Variants in DPP10 observed in about 807,000 individuals in gnomAD.
DPP10 encodes inactive dipeptidyl peptidase 10.
DPP10 carries 33 observed loss-of-function variants against 120.9 expected under a neutral mutation model. The observed-to-expected ratio is 0.27, with a 90% CI of 0.21 to 0.37. The LOEUF (loss-of-function observed/expected upper bound fraction) is 0.37, where lower values mean the gene tolerates loss of function less well. Ranked by LOEUF, DPP10 falls within the 10% of genes least tolerant of loss-of-function variation. The pLI is 1.00. For synonymous variants in DPP10, 337 were observed against 326.1 expected (o/e 1.03, Z -0.36); for missense variants, 816 against 942.8 (o/e 0.87, Z 1.76).
At chr2:115,095,574 GT>G (rs924847937) in intron 1 of DPP10, among the ~76,000 whole-genome samples, 40 of 137,792 alleles carry the variant, frequency 2.9e-4, no homozygotes, top group African/African-American at 8.4e-4. Context: ...ATTCTGTTTG[GT>G]TTTTTTTTTG....
intron 1 of DPP10, among the ~76,000 whole-genome samples, chr2:115,271,157 T>C (rs2059684417): frequency 6.6e-6 from 1 of 152,242 alleles, no homozygotes; most frequent in Non-Finnish European, 1.5e-5. Context: ...TACAGGCACA[T>C]TCAATGTTCT....
intron 19 of DPP10, among the ~76,000 whole-genome samples, chr2:115,810,722 T>G (rs1686544846): frequency 6.6e-6 from 1 of 152,174 alleles, no homozygotes; most frequent in African/African-American, 2.4e-5. Flanking sequence ...GAATTGTTCT[T>G]TTCACCGCAA....
chr2:114,553,651 T>G (rs1349179035), intron 1 of DPP10, among the ~76,000 whole-genome samples: 1 of 152,178 alleles, frequency 6.6e-6, no homozygotes, highest in African/African-American at 2.4e-5. Flanking sequence ...TGACCAGCCT[T>G]TTAGGCTGTC....
chr2:115,815,398 T>C (rs975439056), intron 20 of DPP10, among the ~76,000 whole-genome samples: 1 of 152,168 alleles, frequency 6.6e-6, no homozygotes, highest in Non-Finnish European at 1.5e-5. Context: ...AGAAACCAGA[T>C]ATGATATTGT....
intron 1 of DPP10, among the ~76,000 whole-genome samples, chr2:114,983,835 T>C (rs1700236616): frequency 6.6e-6 from 1 of 152,204 alleles, no homozygotes; most frequent in African/African-American, 2.4e-5. Flanking sequence ...CATCCCCACA[T>C]TGCAGAAACT....
At chr2:115,468,473 C>T (rs564094677) in intron 3 of DPP10, 10 of 435,124 alleles carry the variant, frequency 2.3e-5, no homozygotes, top group South Asian at 8.5e-5. Flanking sequence ...CTTTTATTAA[C>T]CTGCTTACTA....
At chr2:114,621,587 A>G (rs1017783267) in intron 1 of DPP10, among the ~76,000 whole-genome samples, 5 of 151,990 alleles carry the variant, frequency 3.3e-5, no homozygotes, top group African/African-American at 1.2e-4. Flanking sequence ...CTTCATTGCA[A>G]GTAGGTTTTT....
chr2:114,474,202 C>G (rs991410707), intron 1 of DPP10, among the ~76,000 whole-genome samples: 4 of 152,216 alleles, frequency 2.6e-5, no homozygotes, highest in African/African-American at 9.6e-5. Flanking sequence ...GTGATCCACC[C>G]GCCTTGGCCT....
intron 9 of DPP10, among the ~76,000 whole-genome samples, chr2:115,741,064 G>T (rs1225385510): frequency 6.6e-6 from 1 of 152,090 alleles, no homozygotes; most frequent in Non-Finnish European, 1.5e-5. Flanking sequence ...CTGTCAGGGT[G>T]GGGGTGAGGT....
chr2:114,679,484 G>C (rs1698883122), intron 1 of DPP10, among the ~76,000 whole-genome samples: 2 of 151,880 alleles, frequency 1.3e-5, no homozygotes, highest in Admixed American at 6.6e-5. Flanking sequence ...TGCAATCCAG[G>C]AGGTGAGTTG....
intron 1 of DPP10, among the ~76,000 whole-genome samples, chr2:114,736,365 T>C (rs1677437278): frequency 6.6e-6 from 1 of 152,144 alleles, no homozygotes; most frequent in South Asian, 2.1e-4. Context: ...CTGCCTAGCA[T>C]GATTCCTCGC....
intron 2 of DPP10, among the ~76,000 whole-genome samples, chr2:115,332,091 T>A (rs1384334291): frequency 6.6e-6 from 1 of 152,250 alleles, no homozygotes; most frequent in African/African-American, 2.4e-5. Flanking sequence ...GATTATTGCC[T>A]CAATTTCAGA....
At chr2:114,789,360 C>T (rs991481925) in intron 1 of DPP10, among the ~76,000 whole-genome samples, 26 of 152,096 alleles carry the variant, frequency 1.7e-4, no homozygotes, top group African/African-American at 5.1e-4. Context: ...TATGAGAAAA[C>T]GCTGGCATGT....
intron 1 of DPP10, among the ~76,000 whole-genome samples, chr2:115,209,608 C>T (rs1401915116): frequency 6.6e-6 from 1 of 151,996 alleles, no homozygotes; most frequent in East Asian, 1.9e-4. Context: ...TGTTGTCTGC[C>T]TTGCTTTAAT....
intron 2 of DPP10, among the ~76,000 whole-genome samples, chr2:115,329,893 A>C (rs983253707): frequency 6.6e-6 from 1 of 152,128 alleles, no homozygotes; most frequent in African/African-American, 2.4e-5. Context: ...GCTGCAGTAA[A>C]CATATGTGTG....
At chr2:114,932,430 T>C (rs1355583072) in intron 1 of DPP10, among the ~76,000 whole-genome samples, 1 of 152,188 alleles carries the variant, frequency 6.6e-6, no homozygotes, top group African/African-American at 2.4e-5. Flanking sequence ...AACAGGAGAA[T>C]AAATAAATTG....
chr2:114,803,439 A>T (rs1484741655), intron 1 of DPP10, among the ~76,000 whole-genome samples: 2 of 152,218 alleles, frequency 1.3e-5, no homozygotes, highest in East Asian at 3.9e-4. Context: ...ACCAGATTGG[A>T]GAGCTCAGAA....
intron 1 of DPP10, among the ~76,000 whole-genome samples, chr2:114,879,813 C>T (rs1246211568): frequency 1.3e-5 from 2 of 152,150 alleles, no homozygotes; most frequent in African/African-American, 4.8e-5. Context: ...CTTCCTCTCA[C>T]TGACAGGCGG....
chr2:115,303,284 C>T (rs116700927), intron 1 of DPP10, among the ~76,000 whole-genome samples: 2,890 of 151,864 alleles, frequency 0.019, 98 homozygotes, highest in African/African-American at 0.065. Flanking sequence ...TTCTTGGAGG[C>T]AAAAATCAGA....
Sources: gnomAD v4.1 joint callset for allele counts (sites outside exome capture counted in the v4.1 genomes callset) on GRCh38, gnomAD v4.1.1 for gene constraint, MANE v1.5 for transcripts, NCBI Gene and HGNC (gene_info 2026-07-23, HGNC 2026-07-21) for gene names.